The following FANK1 variants were observed in gnomAD, a reference collection of about 807,000 sequenced individuals.
FANK1 encodes the protein fibronectin type 3 and ankyrin repeat domains protein 1.
A neutral mutation model predicts 45.3 loss-of-function variants in FANK1; 44 were observed. The ratio of observed to expected loss-of-function variants is 0.97; its 90% CI spans 0.76 to 1.25. The LOEUF (loss-of-function observed/expected upper bound fraction) is 1.25, where lower values mean the gene tolerates loss of function less well. Ranked by LOEUF, FANK1 falls within the 50% of genes most tolerant of loss-of-function variation. The pLI is 0.00. For synonymous variants in FANK1, 149 were observed against 152.5 expected (o/e 0.98, Z 0.17); for missense variants, 391 against 424.4 (o/e 0.92, Z 0.69).
chr10:125,898,020 A>AAGC (rs1564843675), intron 1 of FANK1, among the ~76,000 whole-genome samples: 1 of 79,782 alleles, frequency 1.3e-5, no homozygotes, highest in African/African-American at 4.1e-5. Context: ...AAAAAAAAAA[A>AAGC]AAAAAAAAAA....
chr10:125,963,034 G>A (rs1488767661), intron 1 of FANK1, among the ~76,000 whole-genome samples: 2 of 151,040 alleles, frequency 1.3e-5, no homozygotes, highest in African/African-American at 4.9e-5. Context: ...GCCCAGGCTG[G>A]AGTGCAGTGG....
At chr10:125,916,527 C>T (rs946966419) in intron 1 of FANK1, among the ~76,000 whole-genome samples, 1 of 151,928 alleles carries the variant, frequency 6.6e-6, no homozygotes, top group African/African-American at 2.4e-5. Context: ...TAAAATATAC[C>T]ATTTGCATTA....
intron 1 of FANK1, among the ~76,000 whole-genome samples, chr10:125,945,356 G>A (rs1948711284): frequency 6.6e-6 from 1 of 152,334 alleles, no homozygotes; most frequent in Admixed American, 6.5e-5. Context: ...TGTCTCACTA[G>A]GGAGTGCCAG....
chr10:125,992,624 C>A (rs186561940), intron 3 of FANK1, among the ~76,000 whole-genome samples: 6 of 152,070 alleles, frequency 3.9e-5, no homozygotes, highest in African/African-American at 1.4e-4. Context: ...TACAAACGGT[C>A]CTTAAGCTTA....
intron 1 of FANK1, among the ~76,000 whole-genome samples, chr10:125,918,029 A>T (rs374587065): frequency 3.3e-5 from 5 of 151,274 alleles, no homozygotes; most frequent in South Asian, 2.1e-4. Context: ...TCAGTGAATT[A>T]TGATCATGCC....
rs1951110560 is a variant in FANK1, at chr10:125,980,201, C to T, written c.54C>T (p.Gly18=). The T allele has an allele frequency of 1.9e-6, 3 of 1,613,840 alleles. No individual in the cohort carries two copies. In the African/African-American group the frequency reaches 4.0e-5, roughly 22 times the overall value. Residue 18 remains glycine, a synonymous_variant, in exon 2 of 11, where the codon GGC becomes GGT. Coordinates refer to ENST00000368693, the MANE Select transcript of FANK1 (RefSeq NM_145235.5). The part of the protein sequence containing the change: ...PPSKPHPPVV[G]KVTHHSIELY... ...CAAAGCCTCATCCACCTGTCGTGGG[C>T]AAAGTGACTCATCACAGCATTGAAT...
chr10:125,935,275 A>G lies in FANK1; in HGVS notation c.13+38620A>G, dbSNP rs1409030034. Among the ~76,000 whole-genome samples, 4 of 152,334 alleles carry G rather than the reference A, an allele frequency of 2.6e-5. No individual in the cohort carries two copies. In the East Asian group the frequency reaches 7.7e-4, roughly 29 times the overall value. On this transcript the variant is annotated intron_variant, in intron 1 of 10. Coordinates refer to ENST00000368693, the MANE Select transcript of FANK1 (RefSeq NM_145235.5). ...TGTTATCTCTCTGCCCTGTGGAACT[A>G]TAAGCTTCCTGAAGGCAGGGGCCGC...
intron 1 of FANK1, among the ~76,000 whole-genome samples, chr10:125,924,806 CAA>C (rs58856642): frequency 9.9e-4 from 70 of 70,680 alleles, no homozygotes; most frequent in South Asian, 2.7e-3. Context: ...GACCCCATCT[CAA>C]AAAAAAAAAA....
chr10:125,996,724 G>T, intron 5 of FANK1, 100 bp downstream of exon 5: 1 of 1,121,630 alleles, frequency 8.9e-7, no homozygotes, highest in East Asian at 2.4e-5. Flanking sequence ...AAGGGCCATG[G>T]AGGAACCGTT....
intron 1 of FANK1, among the ~76,000 whole-genome samples, chr10:125,896,904 C>T (rs956186935): frequency 1.3e-5 from 2 of 152,118 alleles, no homozygotes; most frequent in Non-Finnish European, 2.9e-5. Flanking sequence ...CTGGAGAGCC[C>T]CGAGGTATGG....
At chr10:126,006,665 A>G (rs1179989346) in intron 7 of FANK1, among the ~76,000 whole-genome samples, 2 of 152,124 alleles carry the variant, frequency 1.3e-5, no homozygotes, top group Non-Finnish European at 2.9e-5. Context: ...TTTGAGACCA[A>G]CCTGGCCAAC....
intron 1 of FANK1, among the ~76,000 whole-genome samples, chr10:125,963,852 C>G (rs1408653550): frequency 6.6e-6 from 1 of 151,932 alleles, no homozygotes; most frequent in Admixed American, 6.6e-5. Context: ...TGTAACAAAC[C>G]TGCACGTTGT....
rs992395404 is a variant in FANK1 at position 125,994,618 on chromosome 10, A to C, written c.317-799A>C. 1.7e-5 allele frequency: 17 copies of C among 985,306 alleles called. No homozygotes were observed. In the South Asian group the frequency reaches 5.2e-4, roughly 30 times the overall value. 61.0% of individuals were successfully genotyped at this position (985,306 alleles called of 1,614,324 possible). A position where few individuals can be genotyped will look rare whatever the true frequency, so the allele number is the denominator to read the frequency against. Reference sequence around the variant, plus strand: ...TGCTTCATTGGTGTTATTTCATTTAAGCTTAATTGTGATACTTTTTAAAAT... The same window carrying C: ...TGCTTCATTGGTGTTATTTCATTTACGCTTAATTGTGATACTTTTTAAAAT... On this transcript the variant is annotated intron_variant, in intron 3 of 10. Transcript: ENST00000368693.
chr10:125,899,777 G>A (rs78047108), intron 1 of FANK1, among the ~76,000 whole-genome samples: 1 of 152,030 alleles, frequency 6.6e-6, no homozygotes, highest in African/African-American at 2.4e-5. Flanking sequence ...TGTTTATGCC[G>A]ATATTATCTA....
At chr10:125,968,861 G>A (rs969107195) in intron 1 of FANK1, among the ~76,000 whole-genome samples, 2 of 152,104 alleles carry the variant, frequency 1.3e-5, no homozygotes, top group Admixed American at 1.3e-4. Flanking sequence ...ATGTACTTGA[G>A]CCATGTTTTA....
rs144156634 is a variant in FANK1, at chr10:125,921,860, T to C, written c.13+25205T>C. On this transcript the variant is annotated intron_variant, in intron 1 of 10. Transcript: ENST00000368693. The stretch of plus-strand genomic sequence containing the variant: ...TTCTCTTCTTCCTTTGTCAGTCTGC[T>C]AGAGGCTTCCTCATTTGATTGCTTT... 9.5e-4 allele frequency among the ~76,000 whole-genome samples: 145 copies of C among 152,362 alleles called. 1 individual carries two copies. The highest frequency in any genetic ancestry group is 3.4e-3 in the African/African-American group (142 of 41,580).
At chr10:126,004,858 A>G (rs1953060590) in intron 6 of FANK1, 26 bp from the exon 7 acceptor site, 1 of 1,612,040 alleles carries the variant, frequency 6.2e-7, no homozygotes, top group Admixed American at 1.7e-5. Flanking sequence ...CTTATTGTCA[A>G]ATGCCGCTTC....
intron 1 of FANK1, among the ~76,000 whole-genome samples, chr10:125,914,851 C>G (rs1291380622): frequency 1.3e-5 from 2 of 151,854 alleles, no homozygotes; most frequent in Non-Finnish European, 2.9e-5. Flanking sequence ...GTCTGAACTC[C>G]CGGGTTGACT....
chr10:125,992,681 A>T (rs1479727203), intron 3 of FANK1, among the ~76,000 whole-genome samples: 2 of 152,116 alleles, frequency 1.3e-5, no homozygotes, highest in African/African-American at 4.8e-5. Context: ...TGCATGCTGC[A>T]GAGCTTCCTG....
Sources: gnomAD v4.1 joint callset for allele counts (sites outside exome capture counted in the v4.1 genomes callset) on GRCh38, gnomAD v4.1.1 for gene constraint, MANE v1.5 for transcripts, NCBI Gene and HGNC (gene_info 2026-07-23, HGNC 2026-07-21) for gene names.